SIN3A: variants seen among roughly 807,000 people sequenced by gnomAD.
SIN3A encodes the protein paired amphipathic helix protein Sin3a.
Under a neutral mutation model 146.1 loss-of-function variants are expected in SIN3A, and 14 were observed. The observed-to-expected ratio is 0.10, with a 90% CI of 0.06 to 0.15. The LOEUF is 0.15. Among genes scored for constraint, SIN3A ranks in the 10% least tolerant of loss-of-function variants. The pLI is 1.00. For synonymous variants in SIN3A, 572 were observed against 572.0 expected (o/e 1.00, Z 0.00); for missense variants, 1,028 against 1,576.0 (o/e 0.65, Z 5.89).
upstream of SIN3A, among the ~76,000 whole-genome samples, chr15:75,452,310 G>A (rs2141654384): frequency 6.6e-6 from 1 of 152,322 alleles, no homozygotes; most frequent in African/African-American, 2.4e-5. Context: ...TTTGTGGAAT[G>A]TTTACACTAG....
At chr15:75,408,178 T>C (rs1388975389) in intron 8 of SIN3A, among the ~76,000 whole-genome samples, 1 of 152,154 alleles carries the variant, frequency 6.6e-6, no homozygotes, top group African/African-American at 2.4e-5. Flanking sequence ...CCCACTATAT[T>C]CTTGCCACCT....
Position 75,430,196 on chromosome 15 carries a change from G to T in SIN3A, c.180C>A (p.Pro60=), listed in dbSNP as rs923148317. 3.1e-6 allele frequency: 5 copies of T among 1,613,244 alleles called. No homozygotes were observed. The African/African-American group carries it at 5.3e-5, about 17-fold the overall frequency. Residue 60 remains proline (P), a synonymous_variant, in exon 2 of 21, where the codon CCC becomes CCA. Transcript: ENST00000394947. The part of the protein sequence containing the change: ...SATGIQYSVT[P]SYQVSAMPQS... Reference sequence around the variant, plus strand: ...GTTGGCTCCAGCTTACCTGGTAGCTGGGTGTTACAGAGTACTGAATTCCCG... The same window carrying T: ...GTTGGCTCCAGCTTACCTGGTAGCTTGGTGTTACAGAGTACTGAATTCCCG...
chr15:75,430,029 T>TA, intron 2 of SIN3A, 158 bp downstream of exon 2: 1 of 621,404 alleles, frequency 1.6e-6, no homozygotes. Context: ...ATTCTTTTTT[T>TA]AAAAACTTGT....
intron 13 of SIN3A, among the ~76,000 whole-genome samples, chr15:75,395,147 G>A (rs1369206531): frequency 6.6e-6 from 1 of 152,060 alleles, no homozygotes; most frequent in African/African-American, 2.4e-5. Context: ...TCAGGTATAA[G>A]TATTCCTTGA....
At chr15:75,381,887 T>G (rs1404698964) in intron 17 of SIN3A, among the ~76,000 whole-genome samples, 182 bp from the exon 18 acceptor site, 1 of 152,146 alleles carries the variant, frequency 6.6e-6, no homozygotes, top group African/African-American at 2.4e-5. Context: ...TTACTACAAG[T>G]AAAATGAAAT....
intron 1 of SIN3A, 194 bp downstream of exon 1, chr15:75,451,229 G>A (rs1032666549): frequency 1.1e-5 from 1 of 89,574 alleles, no homozygotes; most frequent in South Asian, 3.6e-4. Flanking sequence ...CCGGGACTAC[G>A]CTCTCCTCCC....
In SIN3A at chr15:75,392,360, G is replaced by A. The variant is rs775756139; in HGVS notation, c.2733C>T (p.Ser911=). ...CTTCTTCAATTTGCCGTTCGGCTTG[G>A]GAACAAATCCGTAGCAGCCTCAGGC... ...ILCLRLLRIC[S]QAERQIEEEN... The change falls in exon 15 of 21, where the codon TCC becomes TCT. Residue 911 remains serine, a synonymous_variant. Transcript: ENST00000394947. 5.0e-6 allele frequency: 8 copies of A among 1,614,048 alleles called. No individual in the cohort carries two copies. The African/African-American group carries it at 9.3e-5, about 19-fold the overall frequency.
intron 1 of SIN3A, among the ~76,000 whole-genome samples, chr15:75,433,940 C>T (rs1458716727): frequency 6.6e-6 from 1 of 152,172 alleles, no homozygotes; most frequent in African/African-American, 2.4e-5. Context: ...TTCACAACAA[C>T]CTTATAAGCA....
chr15:75,399,165 A>G (rs1305409626), intron 12 of SIN3A, among the ~76,000 whole-genome samples: 3 of 152,028 alleles, frequency 2.0e-5, no homozygotes, highest in Non-Finnish European at 4.4e-5. Flanking sequence ...GGCTGCAATG[A>G]ACTGTGATTG....
intron 16 of SIN3A, among the ~76,000 whole-genome samples, chr15:75,387,501 G>GAA (rs34479080): frequency 3.0e-5 from 3 of 100,240 alleles, no homozygotes; most frequent in African/African-American, 3.9e-5. Context: ...CCCTGGGTTG[G>GAA]AAAAAAAAAA....
chr15:75,400,270 T>TCA, intron 11 of SIN3A, 114 bp from the exon 12 acceptor site: 1 of 626,420 alleles, frequency 1.6e-6, no homozygotes. Context: ...TAATATTACT[T>TCA]CACAAATTTC....
At chr15:75,418,155 TTGAG>T (rs1434805246) in intron 3 of SIN3A, among the ~76,000 whole-genome samples, 2 of 148,704 alleles carry the variant, frequency 1.3e-5, no homozygotes, top group Admixed American at 6.7e-5. Flanking sequence ...CCTCAGCCTC[TTGAG>T]TAACTGGGAT....
Position 75,414,231 on chromosome 15 carries a change from G to A in SIN3A, c.447C>T (p.Asp149=). Reference sequence around the variant, plus strand: ...TCTGAGATTTAAATTCCTTCATGATGTCAAGGAAATCATTGTAGACCTGAG... The same window carrying A: ...TCTGAGATTTAAATTCCTTCATGATATCAAGGAAATCATTGTAGACCTGAG... ...SQPQVYNDFL[D]IMKEFKSQSI... is the part of the protein sequence containing the mutation. The change falls in exon 4 of 21, where the codon GAC becomes GAT. Residue 149 remains aspartate, a synonymous_variant. Coordinates refer to ENST00000394947, the MANE Select transcript of SIN3A (RefSeq NM_001145358.2). 1 of 1,533,316 alleles carries A rather than the reference G, an allele frequency of 6.5e-7. No homozygotes were observed. The highest frequency in any genetic ancestry group is 8.9e-7 in the Non-Finnish European group (1 of 1,128,164). 95.0% of individuals were successfully genotyped at this position (1,533,316 alleles called of 1,614,324 possible).
intron 20 of SIN3A, among the ~76,000 whole-genome samples, chr15:75,375,380 A>C (rs1431700451): frequency 5.3e-5 from 8 of 152,218 alleles, no homozygotes; most frequent in Non-Finnish European, 1.2e-4. Flanking sequence ...ACCAGAAGCT[A>C]GGAGAGGCCT....
intron 1 of SIN3A, among the ~76,000 whole-genome samples, chr15:75,445,902 C>G (rs1470553850): frequency 6.6e-6 from 1 of 152,166 alleles, no homozygotes; most frequent in Non-Finnish European, 1.5e-5. Context: ...TGCTCCCACA[C>G]AAACATGGGC....
chr15:75,425,713 T>G (rs2073913476), intron 2 of SIN3A, among the ~76,000 whole-genome samples: 1 of 152,238 alleles, frequency 6.6e-6, no homozygotes, highest in Non-Finnish European at 1.5e-5. Flanking sequence ...TCAGAATTGT[T>G]GATCACCACA....
rs751860809 is a variant in SIN3A, at chr15:75,394,791, C to T, written c.2166G>A (p.Glu722=). 1 of 1,614,126 alleles carries T rather than the reference C, an allele frequency of 6.2e-7. No homozygotes were observed. Among genetic ancestry groups the T allele is most frequent in the South Asian group, 1.1e-5 (1 of 91,078 alleles). ...GGTCCAGAGACTTCAAGTAGTATTT[C>T]TCATTTTGTTCTCGCCATACTTTGT... is the stretch of plus-strand genomic sequence containing the variant. ...GFNKVWREQN[E]KYYLKSLDHQ... Residue 722 remains glutamate, a synonymous_variant, in exon 14 of 21, where the codon GAG becomes GAA. Transcript: ENST00000394947.
intron 3 of SIN3A, among the ~76,000 whole-genome samples, chr15:75,418,831 C>T (rs1329443440): frequency 3.3e-5 from 5 of 151,986 alleles, no homozygotes; most frequent in Non-Finnish European, 5.9e-5. Flanking sequence ...CCCGGCTCAC[C>T]GCAAGCTCTG....
At chr15:75,398,508 C>T (rs927850137) in intron 12 of SIN3A, among the ~76,000 whole-genome samples, 3 of 151,162 alleles carry the variant, frequency 2.0e-5, no homozygotes, top group Non-Finnish European at 4.4e-5. Flanking sequence ...AAACCCATCT[C>T]CACTAAAAAT....
Sources: gnomAD v4.1 joint callset for allele counts (sites outside exome capture counted in the v4.1 genomes callset) on GRCh38, gnomAD v4.1.1 for gene constraint, MANE v1.5 for transcripts, NCBI Gene and HGNC (gene_info 2026-07-23, HGNC 2026-07-21) for gene names.